The following CTNNAL1 variants were observed in gnomAD, a reference collection of about 807,000 sequenced individuals.
CTNNAL1 encodes the protein catenin alpha like 1, also known as alpha-catulin.
Under a neutral mutation model 93.6 loss-of-function variants are expected in CTNNAL1, and 69 were observed. That is an observed-to-expected ratio of 0.74 (90% CI 0.61 to 0.90). CTNNAL1 has a LOEUF of 0.90. CTNNAL1 is among the 40% of genes least tolerant of loss of function. CTNNAL1 has a pLI of 0.00. For missense variants in CTNNAL1, 836 were observed against 862.0 expected (o/e 0.97, Z 0.38); for synonymous variants, 286 against 305.4 (o/e 0.94, Z 0.66).
chr9:108,944,718 T>A (rs1186941070), intron 15 of CTNNAL1, among the ~76,000 whole-genome samples: 1 of 152,072 alleles, frequency 6.6e-6, no homozygotes, highest in Non-Finnish European at 1.5e-5. Flanking sequence ...TTAGGTGGCG[T>A]CAGTAATAAT....
intron 1 of CTNNAL1, among the ~76,000 whole-genome samples, chr9:109,008,356 A>G (rs1472480163): frequency 1.3e-5 from 2 of 151,888 alleles, no homozygotes; most frequent in Non-Finnish European, 2.9e-5. Flanking sequence ...GGGGTTGGTC[A>G]GGCAGGTCTC....
chr9:109,011,455 C>T (rs1452077067), intron 1 of CTNNAL1, among the ~76,000 whole-genome samples: 1 of 152,140 alleles, frequency 6.6e-6, no homozygotes, highest in Non-Finnish European at 1.5e-5. Context: ...TTCCTCTGCT[C>T]TCCTACCCTT....
chr9:108,944,080 A>G (rs1830328230), intron 15 of CTNNAL1, 62 bp from the exon 16 acceptor site: 1 of 1,394,362 alleles, frequency 7.2e-7, no homozygotes, highest in Non-Finnish European at 9.9e-7. Context: ...GGTAAGAAAT[A>G]TACTTACTAA....
At chr9:108,999,372 A>G in intron 1 of CTNNAL1, 116 bp from the exon 2 acceptor site, 3 of 925,856 alleles carry the variant, frequency 3.2e-6, no homozygotes, top group Non-Finnish European at 4.6e-6. Context: ...GACTAAATCA[A>G]TAGTTAGAGA....
At chr9:108,961,459 C>T (rs535627299) in intron 11 of CTNNAL1, among the ~76,000 whole-genome samples, 1 of 152,294 alleles carries the variant, frequency 6.6e-6, no homozygotes, top group South Asian at 2.1e-4. Flanking sequence ...CCTACATAAA[C>T]CCTTCCTGAA....
chr9:108,987,186 G>A (rs201911236), intron 4 of CTNNAL1, among the ~76,000 whole-genome samples: 11,085 of 151,598 alleles, frequency 0.073, 480 homozygotes, highest in Admixed American at 0.13. Context: ...TCTTTAATCC[G>A]TCTTGAATTA....
intron 15 of CTNNAL1, among the ~76,000 whole-genome samples, chr9:108,945,039 C>T (rs1470103596): frequency 6.6e-6 from 1 of 152,136 alleles, no homozygotes; most frequent in African/African-American, 2.4e-5. Context: ...TTTCTCTTTC[C>T]TTCTAGCCTG....
chr9:108,951,585 G>A (rs7872570), intron 14 of CTNNAL1, among the ~76,000 whole-genome samples: 17,304 of 152,218 alleles, frequency 0.11, 1,183 homozygotes, highest in African/African-American at 0.15. Context: ...GGATTTTTGA[G>A]CAGATAACTG....
At chr9:108,993,965 C>G (rs1342258985) in intron 2 of CTNNAL1, among the ~76,000 whole-genome samples, 4 of 152,190 alleles carry the variant, frequency 2.6e-5, no homozygotes, top group Non-Finnish European at 5.9e-5. Context: ...CACAGTGGCT[C>G]ACACCTGTAA....
rs71499677 is a variant in CTNNAL1 at position 108,952,252 on chromosome 9, G to A, written c.1792C>T (p.Arg598Trp). 1.1e-3 allele frequency: 1,825 copies of A among 1,613,994 alleles called. 4 individuals carry two copies. The highest frequency in any genetic ancestry group is 1.0e-3 in the Non-Finnish European group (1,208 of 1,179,906). Residue 598 changes from arginine to tryptophan, a missense_variant, in exon 14 of 19, where the codon CGG (arginine) becomes TGG (tryptophan). Physicochemically the swap from Arg to Trp is moderately radical, Grantham distance 101. Transcript: ENST00000325551. ...DQENEIVQYGRNMSSMAYSLY... is the reference protein window; with the variant it reads ...DQENEIVQYGWNMSSMAYSLY... ...GAATAGGCCATACTGGACATGTTCC[G>A]TCCATATTGAACAATCTCATTCTCC... is the stretch of plus-strand genomic sequence containing the variant.
intron 2 of CTNNAL1, among the ~76,000 whole-genome samples, chr9:108,997,400 C>A (rs1832063005): frequency 1.3e-5 from 2 of 152,190 alleles, no homozygotes; most frequent in East Asian, 1.9e-4. Flanking sequence ...TTCCTCCACA[C>A]CATCAGAAAG....
chr9:108,985,651 T>C (rs962346123), intron 4 of CTNNAL1, among the ~76,000 whole-genome samples: 1 of 152,230 alleles, frequency 6.6e-6, no homozygotes, highest in African/African-American at 2.4e-5. Flanking sequence ...CTGTGTCCTA[T>C]ATGTGAGTAT....
At position 108,996,669 on chromosome 9, in the gene CTNNAL1, T is replaced by C. The variant is rs189084832; in HGVS notation, c.331+2398A>G. Among the ~76,000 whole-genome samples, 6 of 152,312 alleles carry C rather than the reference T, an allele frequency of 3.9e-5. No individual in the cohort carries two copies. The East Asian group carries it at 1.2e-3, about 29-fold the overall frequency. On this transcript the variant is annotated intron_variant, in intron 2 of 18. Transcript: ENST00000325551. Reference sequence around the variant, plus strand: ...GTTGTCCTTTTGTTTAAAAATACTGTACTCCTGCTTTAATCAACGGTTGTT... The same window carrying C: ...GTTGTCCTTTTGTTTAAAAATACTGCACTCCTGCTTTAATCAACGGTTGTT...
chr9:108,982,234 T>C (rs1022839535), intron 6 of CTNNAL1, among the ~76,000 whole-genome samples: 3 of 152,184 alleles, frequency 2.0e-5, no homozygotes, highest in African/African-American at 7.2e-5. Context: ...AGCAAGTTAA[T>C]ATCCTTTCTG....
At chr9:108,952,530 G>T (rs1473253353) in intron 12 of CTNNAL1, 36 bp from the exon 13 acceptor site, 3 of 1,610,880 alleles carry the variant, frequency 1.9e-6, no homozygotes, top group Non-Finnish European at 2.5e-6. Context: ...ATCTTAAAAA[G>T]CAGTACATTA....
chr9:108,950,218 T>C (rs1830520056), intron 14 of CTNNAL1, among the ~76,000 whole-genome samples: 1 of 152,228 alleles, frequency 6.6e-6, no homozygotes, highest in Non-Finnish European at 1.5e-5. Flanking sequence ...TTTTTGTTAT[T>C]TCAGTTAGTC....
chr9:108,970,697 G>A (rs1392526140), intron 9 of CTNNAL1, among the ~76,000 whole-genome samples: 1 of 152,084 alleles, frequency 6.6e-6, no homozygotes, highest in Non-Finnish European at 1.5e-5. Context: ...TATCAATAAA[G>A]GTATAACATT....
intron 7 of CTNNAL1, among the ~76,000 whole-genome samples, chr9:108,978,414 G>C (rs1321909855): frequency 6.6e-6 from 1 of 152,162 alleles, no homozygotes; most frequent in Non-Finnish European, 1.5e-5. Flanking sequence ...TTCAGTCTCA[G>C]CCATATCCAC....
rs1185588370 is a variant in CTNNAL1 at position 108,942,692 on chromosome 9, A to T, written c.*77T>A. On this transcript the variant is annotated 3_prime_UTR_variant, in exon 19 of 19. Transcript: ENST00000325551. ...TTTATAAAATTGATGAATTTCTGAAAAGATAAAGGATCATTTGATTTTTAA... is the reference window on the plus strand; with the variant it reads ...TTTATAAAATTGATGAATTTCTGAATAGATAAAGGATCATTTGATTTTTAA... 1.0e-6 allele frequency: 1 copy of T among 984,610 alleles called. No homozygotes were observed. The highest frequency in any genetic ancestry group is 1.6e-6 in the Non-Finnish European group (1 of 641,588). The allele number at this position is 984,610 out of a possible 1,614,324, so 61.0% of individuals were successfully genotyped here.
Sources: allele counts gnomAD v4.1 joint callset (sites outside exome capture counted in the v4.1 genomes callset), GRCh38; gene constraint gnomAD v4.1.1; transcripts MANE v1.5; gene names NCBI Gene and HGNC (gene_info 2026-07-23, HGNC 2026-07-21).